Variants in CSGALNACT1 observed in about 807,000 individuals in gnomAD.
The protein encoded by CSGALNACT1 is beta4GalNAcT-1.
Under a neutral mutation model 51.0 loss-of-function variants are expected in CSGALNACT1, and 52 were observed. That is an observed-to-expected ratio of 1.02 (90% CI 0.82 to 1.29). The LOEUF (loss-of-function observed/expected upper bound fraction) is 1.29, where lower values mean the gene tolerates loss of function less well. Among genes scored for constraint, CSGALNACT1 ranks in the 50% most tolerant of loss-of-function variants. CSGALNACT1 has a pLI of 0.00. For missense variants in CSGALNACT1, 935 were observed against 679.2 expected, an observed-to-expected ratio of 1.38 and a Z score of -4.19; for synonymous variants, 341 against 254.4, an observed-to-expected ratio of 1.34 and a Z score of -3.24.
At chr8:19,538,229 G>T (rs767448980) in intron 3 of CSGALNACT1, among the ~76,000 whole-genome samples, 3 of 152,168 alleles carry the variant, frequency 2.0e-5, no homozygotes, top group Non-Finnish European at 4.4e-5. Flanking sequence ...TACTTGAAAG[G>T]CTGAGGCAGG....
intron 1 of CSGALNACT1, among the ~76,000 whole-genome samples, chr8:19,726,366 C>T (rs1419511411): frequency 6.6e-6 from 1 of 152,080 alleles, no homozygotes; most frequent in Non-Finnish European, 1.5e-5. Flanking sequence ...TTCATACAAT[C>T]TAATATTATA....
chr8:19,522,378 T>C lies in CSGALNACT1; in HGVS notation c.-296-16248A>G, dbSNP rs117572657. 1.5e-3 allele frequency among the ~76,000 whole-genome samples: 224 copies of C among 152,312 alleles called. 4 individuals carry two copies. Among genetic ancestry groups the C allele is most frequent in the East Asian group, 0.011 (57 of 5,186 alleles). On this transcript the variant is annotated intron_variant, in intron 3 of 9. Coordinates refer to ENST00000454498, the Ensembl canonical transcript of CSGALNACT1. ...GCACTTTCCAAATTTTAAATCAAAA[T>C]AACTCACGTTCTTACCTCTCCAGAT...
chr8:19,432,969 G>A lies in CSGALNACT1; in HGVS notation c.953+6861C>T, dbSNP rs139677688. Among the ~76,000 whole-genome samples the A allele has an allele frequency of 1.5e-3, 217 of 149,474 alleles. 2 individuals carry two copies. Among genetic ancestry groups the A allele is most frequent in the Middle Eastern group, 0.01 (3 of 292 alleles). ...TCTAATGACCGATTTTTTTTTTCTCGTGCATGAGCCTTAGTTTCTTCACAT... is the reference window on the plus strand; with the variant it reads ...TCTAATGACCGATTTTTTTTTTCTCATGCATGAGCCTTAGTTTCTTCACAT... On this transcript the variant is annotated intron_variant, in intron 6 of 9. Coordinates refer to ENST00000454498, the Ensembl canonical transcript of CSGALNACT1.
Position 19,584,905 on chromosome 8 carries a change from C to T in CSGALNACT1, c.-297+6255G>A, listed in dbSNP as rs577248557. Reference sequence around the variant, plus strand: ...ATGGTGACACTGTCCTGGGTACCAACCGTAGACAGCAGGATGGGGCAGGGG... The same window carrying T: ...ATGGTGACACTGTCCTGGGTACCAATCGTAGACAGCAGGATGGGGCAGGGG... On this transcript the variant is annotated intron_variant, in intron 3 of 9. Coordinates refer to ENST00000454498, the Ensembl canonical transcript of CSGALNACT1. Among the ~76,000 whole-genome samples, 4 of 152,278 alleles carry T rather than the reference C, an allele frequency of 2.6e-5. No homozygotes were observed. In the South Asian group the frequency reaches 8.3e-4, roughly 32 times the overall value.
intron 4 of CSGALNACT1, among the ~76,000 whole-genome samples, chr8:19,489,150 A>G (rs2073801427): frequency 6.6e-6 from 1 of 152,128 alleles, no homozygotes; most frequent in South Asian, 2.1e-4. Context: ...TGTCCCTAGA[A>G]GAGAGAGAAG....
chr8:19,438,259 T>C (rs2060720176), intron 6 of CSGALNACT1, among the ~76,000 whole-genome samples: 1 of 152,204 alleles, frequency 6.6e-6, no homozygotes, highest in Non-Finnish European at 1.5e-5. Flanking sequence ...CACCTTCTGA[T>C]ACAATTGTTC....
intron 1 of CSGALNACT1, among the ~76,000 whole-genome samples, chr8:19,666,992 A>AAGGAAGG (rs2059356113): frequency 5.4e-5 from 1 of 18,356 alleles, no homozygotes; most frequent in Non-Finnish European, 1.0e-4. Flanking sequence ...AGAAAGAAAG[A>AAGGAAGG]AAGAAAGAAA....
chr8:19,459,364 C>G (rs372038482), intron 4 of CSGALNACT1, among the ~76,000 whole-genome samples: 1 of 110,694 alleles, frequency 9.0e-6, no homozygotes, highest in Non-Finnish European at 1.7e-5. Context: ...GTATGGGCAA[C>G]AGAGCGAAAC....
intron 3 of CSGALNACT1, among the ~76,000 whole-genome samples, chr8:19,538,677 C>T (rs1291660638): frequency 6.6e-6 from 1 of 152,136 alleles, no homozygotes; most frequent in African/African-American, 2.4e-5. Flanking sequence ...TGGGAAGAAA[C>T]AGCCATGACT....
At chr8:19,506,281 G>C (rs1033756816) in intron 3 of CSGALNACT1, among the ~76,000 whole-genome samples, 151 bp from the exon 3 acceptor site, 1 of 152,148 alleles carries the variant, frequency 6.6e-6, no homozygotes, top group African/African-American at 2.4e-5. Context: ...GTATAAATCA[G>C]AACACAAACG....
chr8:19,631,852 G>A (rs1337930154), intron 1 of CSGALNACT1, among the ~76,000 whole-genome samples: 2 of 152,178 alleles, frequency 1.3e-5, no homozygotes, highest in African/African-American at 4.8e-5. Flanking sequence ...CTATTTCTAA[G>A]ACACTAAAAG....
rs191680368 is a variant in CSGALNACT1, at chr8:19,462,846, C to G, written c.635-4204G>C. Among the ~76,000 whole-genome samples, 358 of 151,564 alleles carry G rather than the reference C, an allele frequency of 2.4e-3. 2 individuals are homozygous for G. Among genetic ancestry groups the G allele is most frequent in the African/African-American group, 8.3e-3 (343 of 41,302 alleles). ...TTTCAACTTTTAGGTTCAGAAGGAA[C>G]ATGTGTAGGTTTGTTACACAAGTAA... On this transcript the variant is annotated intron_variant, in intron 4 of 9. Transcript: ENST00000454498.
chr8:19,451,051 T>C (rs946193034), intron 5 of CSGALNACT1, among the ~76,000 whole-genome samples: 1 of 152,166 alleles, frequency 6.6e-6, no homozygotes, highest in Non-Finnish European at 1.5e-5. Flanking sequence ...GAGATAACAA[T>C]ACTCAAGCTT....
chr8:19,685,565 T>G (rs1054311668), upstream of CSGALNACT1, among the ~76,000 whole-genome samples: 2 of 152,198 alleles, frequency 1.3e-5, no homozygotes, highest in African/African-American at 4.8e-5. Context: ...AACTAGTTCT[T>G]AGTGTTACAT....
intron 1 of CSGALNACT1, among the ~76,000 whole-genome samples, chr8:19,736,679 T>TA (rs1589761446): frequency 1.3e-5 from 2 of 151,944 alleles, no homozygotes; most frequent in African/African-American, 4.8e-5. Context: ...AGAGAATTTG[T>TA]AAAACAGAAA....
At chr8:19,530,554 C>A (rs943116502) in intron 3 of CSGALNACT1, among the ~76,000 whole-genome samples, 1 of 151,982 alleles carries the variant, frequency 6.6e-6, no homozygotes, top group East Asian at 1.9e-4. Context: ...AATGTAAAAC[C>A]GATAGCACAG....
chr8:19,651,424 C>A lies in CSGALNACT1; in HGVS notation c.-544+31049G>T, dbSNP rs139408676. ...ATCTTCATCTTCCACCCATCATCCA[C>A]CTTCAGTTAGGCCCCAGTGTCTATT... On this transcript the variant is annotated intron_variant, in intron 1 of 9. Transcript: ENST00000332246. 3.8e-4 allele frequency among the ~76,000 whole-genome samples: 58 copies of A among 152,280 alleles called. 1 individual carries two copies. The highest frequency in any genetic ancestry group is 1.3e-3 in the African/African-American group (53 of 41,568).
chr8:19,444,874 G>A (rs2061870202), intron 5 of CSGALNACT1, among the ~76,000 whole-genome samples: 1 of 152,180 alleles, frequency 6.6e-6, no homozygotes, highest in Non-Finnish European at 1.5e-5. Context: ...GGTCAGTGAA[G>A]GAGGGATAAA....
At position 19,439,944 on chromosome 8, in the gene CSGALNACT1, A is replaced by G. The variant is rs759841191; in HGVS notation, c.852-13T>C. 5 of 1,604,258 alleles carry G rather than the reference A, an allele frequency of 3.1e-6. No individual in the cohort carries two copies. In the Admixed American group the frequency reaches 6.7e-5, roughly 21 times the overall value. On this transcript the variant is annotated splice_polypyrimidine_tract_variant and intron_variant, in intron 5 of 9. Coordinates refer to ENST00000454498, the Ensembl canonical transcript of CSGALNACT1. The stretch of plus-strand genomic sequence containing the variant: ...AATGCACATCTCCCTGGAAAACAAA[A>G]CACATGCATGTCTGGCACCTGTTTT...
Sources: gnomAD v4.1 joint callset for allele counts (sites outside exome capture counted in the v4.1 genomes callset) on GRCh38, gnomAD v4.1.1 for gene constraint, MANE v1.5 for transcripts, NCBI Gene and HGNC (gene_info 2026-07-23, HGNC 2026-07-21) for gene names.